The following SUGCT variants were observed in gnomAD, a reference collection of about 807,000 sequenced individuals.
The protein encoded by SUGCT is succinyl-CoA:glutarate-CoA transferase, also known as succinyl-CoA:glutarate CoA-transferase.
SUGCT carries 41 observed loss-of-function variants against 55.0 expected under a neutral mutation model. That is an observed-to-expected ratio of 0.74 (90% CI 0.58 to 0.97). SUGCT has a LOEUF of 0.97. Among genes scored for constraint, SUGCT ranks in the 50% least tolerant of loss-of-function variants. SUGCT has a pLI of 0.00. For missense variants in SUGCT, 568 were observed against 547.8 expected (o/e 1.04, Z -0.37); for synonymous variants, 187 against 200.4 (o/e 0.93, Z 0.56).
chr7:40,188,367 G>C (rs1785666531), intron 3 of SUGCT, 128 bp from the exon 4 acceptor site: 2 of 625,300 alleles, frequency 3.2e-6, no homozygotes, highest in Admixed American at 3.6e-5. Context: ...CCAGGAGGTA[G>C]AGGTTGCAGT....
At chr7:40,193,090 C>T (rs1188461254) in intron 5 of SUGCT, among the ~76,000 whole-genome samples, 2 of 151,184 alleles carry the variant, frequency 1.3e-5, no homozygotes, top group East Asian at 1.9e-4. Flanking sequence ...CTTCAACCTC[C>T]TGTGTAGCTG....
At chr7:40,901,052 C>A in the SUGCT span, among the ~76,000 whole-genome samples, 1 of 152,164 alleles carries the variant, frequency 6.6e-6, no homozygotes, top group Non-Finnish European at 1.5e-5. Context: ...TGTTTCCCAA[C>A]TGTTAGCTGA....
intron 12 of SUGCT, among the ~76,000 whole-genome samples, chr7:40,554,342 A>G (rs141977417): frequency 6.6e-6 from 1 of 152,278 alleles, no homozygotes; most frequent in Non-Finnish European, 1.5e-5. Flanking sequence ...GTAGATTGTC[A>G]TTTTGTTCAT....
chr7:40,787,477 A>T (rs934773239), intron 13 of SUGCT, among the ~76,000 whole-genome samples: 3 of 48,968 alleles, frequency 6.1e-5, no homozygotes, highest in Non-Finnish European at 1.5e-4. Flanking sequence ...AGAGAAAAGT[A>T]AGATCTCAGA....
intron 7 of SUGCT, among the ~76,000 whole-genome samples, chr7:40,242,921 ATATATATATATATTTTTT>A (rs1167499152): frequency 4.0e-5 from 1 of 25,146 alleles, no homozygotes; most frequent in Non-Finnish European, 8.5e-5. Flanking sequence ...ATATATATAT[ATATATATATATATTTTTT>A]TTTTTTTTTT....
rs3048827 is a variant in SUGCT at position 40,532,526 on chromosome 7, C to CTGTGTGTG, written c.1089+36176_1089+36183dup. ...GACACCCTGAACTGAGCAAGTATGT[C>CTGTGTGTG]TGTGTGTGTGTGTGTGTGTGTGTGT... On this transcript the variant is annotated intron_variant, in intron 12 of 13. Coordinates refer to ENST00000335693, the MANE Select transcript of SUGCT (RefSeq NM_001193313.2). Among the ~76,000 whole-genome samples, 514 of 134,150 alleles carry CTGTGTGTG rather than the reference C, an allele frequency of 3.8e-3. 6 individuals are homozygous for CTGTGTGTG. The highest frequency in any genetic ancestry group is 0.016 in the East Asian group (74 of 4,544). The allele number at this position is 134,150 out of a possible 152,430, so 88.0% of individuals were successfully genotyped here.
intron 9 of SUGCT, among the ~76,000 whole-genome samples, chr7:40,356,760 AG>A: frequency 6.6e-6 from 1 of 152,312 alleles, no homozygotes; most frequent in South Asian, 2.1e-4. Flanking sequence ...ACTTGTTTGT[AG>A]TTGTTCTGTG....
Position 40,510,564 on chromosome 7 carries a change from T to C in SUGCT, c.1089+14178T>C, listed in dbSNP as rs1792868728. 2.0e-5 allele frequency among the ~76,000 whole-genome samples: 3 copies of C among 152,154 alleles called. No individual in the cohort carries two copies. The South Asian group carries it at 6.2e-4, about 32-fold the overall frequency. ...GTCCCATACTTTACCTCAAATATAA[T>C]ATAATCCTGGAACGTCTTGTGGTTC... On this transcript the variant is annotated intron_variant, in intron 12 of 13. Transcript: ENST00000335693.
the SUGCT span, among the ~76,000 whole-genome samples, chr7:40,927,636 T>C: frequency 6.6e-6 from 1 of 152,194 alleles, no homozygotes; most frequent in Non-Finnish European, 1.5e-5. Context: ...GACCACTGAA[T>C]TAAGTCCTGG....
At chr7:40,389,188 G>A (rs972308839) in intron 9 of SUGCT, among the ~76,000 whole-genome samples, 2 of 152,160 alleles carry the variant, frequency 1.3e-5, no homozygotes, top group Non-Finnish European at 2.9e-5. Context: ...GATGGCTTAT[G>A]ACTGTAATCC....
rs1425831866 is a variant in SUGCT, at chr7:40,535,193, T to C, written c.1089+38807T>C. On this transcript the variant is annotated intron_variant, in intron 12 of 13. Coordinates refer to ENST00000335693, the MANE Select transcript of SUGCT (RefSeq NM_001193313.2). ...CCAACTTTTAGATTCCATGGGTACATGTGCTGGTTTGTTACCCAGGTGTAT... is the reference window on the plus strand; with the variant it reads ...CCAACTTTTAGATTCCATGGGTACACGTGCTGGTTTGTTACCCAGGTGTAT... Among the ~76,000 whole-genome samples, 7 of 152,288 alleles carry C rather than the reference T, an allele frequency of 4.6e-5. No individual in the cohort carries two copies. The East Asian group carries it at 1.3e-3, about 29-fold the overall frequency.
chr7:40,394,131 A>G (rs1785589762), intron 9 of SUGCT, among the ~76,000 whole-genome samples: 1 of 152,158 alleles, frequency 6.6e-6, no homozygotes, highest in South Asian at 2.1e-4. Flanking sequence ...TCTTTATAGC[A>G]GTGGTTTTGA....
chr7:40,634,828 T>C (rs1354405693), intron 12 of SUGCT, among the ~76,000 whole-genome samples: 1 of 152,096 alleles, frequency 6.6e-6, no homozygotes, highest in East Asian at 1.9e-4. Flanking sequence ...TAAAAAGAGA[T>C]TGTCAAGAGA....
At chr7:40,339,697 G>A (rs1019594301) in intron 9 of SUGCT, among the ~76,000 whole-genome samples, 7 of 152,194 alleles carry the variant, frequency 4.6e-5, no homozygotes, top group African/African-American at 7.2e-5. Context: ...CGCTTCCTGG[G>A]TGAGGTGATG....
intron 12 of SUGCT, among the ~76,000 whole-genome samples, chr7:40,655,114 C>T (rs182649506): frequency 3.3e-5 from 5 of 151,904 alleles, no homozygotes; most frequent in East Asian, 1.9e-4. Context: ...GACAGCATAG[C>T]GAGACCCTGT....
At chr7:40,821,578 G>C (rs527713772) in intron 13 of SUGCT, among the ~76,000 whole-genome samples, 15 of 152,106 alleles carry the variant, frequency 9.9e-5, no homozygotes, top group Non-Finnish European at 1.6e-4. Flanking sequence ...TTCTTTGATG[G>C]TAATTTGTAT....
chr7:40,980,510 C>T, the SUGCT span, among the ~76,000 whole-genome samples: 1 of 152,124 alleles, frequency 6.6e-6, no homozygotes, highest in Non-Finnish European at 1.5e-5. Flanking sequence ...GGATGAGACT[C>T]AATATACAGT....
chr7:40,815,920 A>G (rs943088920), intron 13 of SUGCT, among the ~76,000 whole-genome samples: 41 of 152,326 alleles, frequency 2.7e-4, no homozygotes, highest in African/African-American at 8.9e-4. Flanking sequence ...AAACCACACA[A>G]GTGGGTGCTC....
chr7:40,639,141 CT>C (rs1023363011), intron 12 of SUGCT, among the ~76,000 whole-genome samples: 2 of 152,122 alleles, frequency 1.3e-5, no homozygotes, highest in African/African-American at 2.4e-5. Context: ...CCAGGTTCCC[CT>C]TTTGTCCTCT....
Sources: allele counts gnomAD v4.1 joint callset (sites outside exome capture counted in the v4.1 genomes callset), GRCh38; gene constraint gnomAD v4.1.1; transcripts MANE v1.5; gene names NCBI Gene and HGNC (gene_info 2026-07-23, HGNC 2026-07-21).